AHCYL2: variants seen among roughly 807,000 people sequenced by gnomAD.
The protein encoded by AHCYL2 is S-adenosylhomocysteine hydrolase-like protein 2.
AHCYL2 carries 28 observed loss-of-function variants against 81.4 expected under a neutral mutation model. That is an observed-to-expected ratio of 0.34 (90% confidence interval 0.25 to 0.47). The LOEUF (loss-of-function observed/expected upper bound fraction) is 0.47. Ranked by LOEUF, AHCYL2 falls within the 20% of genes least tolerant of loss-of-function variation. The pLI is 1.00. For synonymous variants in AHCYL2, 272 were observed against 290.2 expected, an observed-to-expected ratio of 0.94 and a Z score of 0.64; for missense variants, 551 against 785.1, an observed-to-expected ratio of 0.70 and a Z score of 3.56.
At chr7:129,225,679 C>A (rs1257565832) in intron 1 of AHCYL2, among the ~76,000 whole-genome samples, 1 of 152,120 alleles carries the variant, frequency 6.6e-6, no homozygotes, top group Non-Finnish European at 1.5e-5. Context: ...TAGCGCTCTC[C>A]CCTACTACTT....
At chr7:129,376,131 G>A (rs2150875740) in intron 1 of AHCYL2, among the ~76,000 whole-genome samples, 1 of 152,258 alleles carries the variant, frequency 6.6e-6, no homozygotes, top group Middle Eastern at 3.4e-3. Flanking sequence ...AATGGAAAAG[G>A]AGGATTACCT....
chr7:129,424,076 G>C (rs1350482392), intron 13 of AHCYL2, among the ~76,000 whole-genome samples: 1 of 152,060 alleles, frequency 6.6e-6, no homozygotes, highest in Non-Finnish European at 1.5e-5. Flanking sequence ...AAATAGGAAA[G>C]GGTGGCATTG....
At chr7:129,403,353 G>T in intron 6 of AHCYL2, 26 bp from the exon 7 acceptor site, 1 of 1,508,760 alleles carries the variant, frequency 6.6e-7, no homozygotes, top group South Asian at 1.2e-5. Flanking sequence ...CAAAGTGAAT[G>T]ATGTTATTGA....
intron 4 of AHCYL2, among the ~76,000 whole-genome samples, chr7:129,395,378 G>A (rs972126583): frequency 4.6e-5 from 7 of 152,166 alleles, no homozygotes; most frequent in African/African-American, 1.4e-4. Flanking sequence ...CCTCTGTGAG[G>A]GGCAGGGTTT....
chr7:129,324,661 G>A (rs988422565), intron 1 of AHCYL2, among the ~76,000 whole-genome samples: 3 of 151,770 alleles, frequency 2.0e-5, no homozygotes, highest in African/African-American at 7.3e-5. Flanking sequence ...GACTACAGGC[G>A]CCTGCCACCA....
chr7:129,300,802 G>A (rs779645606), intron 1 of AHCYL2, among the ~76,000 whole-genome samples: 2 of 152,062 alleles, frequency 1.3e-5, no homozygotes, highest in African/African-American at 2.4e-5. Flanking sequence ...TTGGATATAC[G>A]CCATTTCAGC....
At chr7:129,324,306 A>G (rs1037588596) in intron 1 of AHCYL2, among the ~76,000 whole-genome samples, 1 of 152,136 alleles carries the variant, frequency 6.6e-6, no homozygotes, top group Non-Finnish European at 1.5e-5. Context: ...TCTTGCTTTT[A>G]TGTAGTCTGA....
rs766038729 is a variant in AHCYL2 at position 129,424,878 on chromosome 7, G to A, written c.1565G>A (p.Arg522His). 7 of 1,612,790 alleles carry A rather than the reference G, an allele frequency of 4.3e-6. No individual in the cohort carries two copies. The highest frequency in any genetic ancestry group is 1.1e-5 in the South Asian group (1 of 91,006). The change falls in exon 14 of 17, where the codon CGC becomes CAC. Residue 522 changes from arginine (R) to histidine (H), a missense_variant. Arg to His is a conservative substitution (Grantham distance 29). Around this residue, in one of 2 missense-constraint regions of AHCYL2, gnomAD observed 316 missense variants for 543.1 expected, o/e 0.58. Transcript: ENST00000325006. ...GTCTTCACCTTTGATCACTAGGGCC[G>A]CCTGCTGAACCTTAGCTGCTCCACA... ...GKRIVLLAEG[R>H]LLNLSCSTVP...
intron 1 of AHCYL2, among the ~76,000 whole-genome samples, chr7:129,342,983 G>C (rs1793238740): frequency 6.6e-6 from 1 of 151,526 alleles, no homozygotes; most frequent in Admixed American, 6.6e-5. Flanking sequence ...TTTTCCTTTG[G>C]CCTCTGGCCC....
chr7:129,412,343 C>T (rs954512564), intron 11 of AHCYL2, among the ~76,000 whole-genome samples: 2 of 149,476 alleles, frequency 1.3e-5, no homozygotes, highest in African/African-American at 2.5e-5. Flanking sequence ...TGCAGTGGCG[C>T]GATACTGGCT....
In AHCYL2 at chr7:129,427,091, C is replaced by G; in HGVS notation, c.*46C>G. 6.4e-7 allele frequency: 1 copy of G among 1,565,886 alleles called. No homozygotes were observed. The highest frequency in any genetic ancestry group is 8.8e-7 in the Non-Finnish European group (1 of 1,137,042). On this transcript the variant is annotated 3_prime_UTR_variant, in exon 17 of 17. Coordinates refer to ENST00000325006, the MANE Select transcript of AHCYL2 (RefSeq NM_015328.4). The surrounding 1 kb of genome is among the most constrained non-coding windows in gnomAD (Gnocchi z 5.5). ...AATTTTTAAGGAATAGAACTCCAAG[C>G]CTTTTCTCCACTACTATACAAGAAA...
chr7:129,261,265 G>A (rs767867937), intron 1 of AHCYL2, among the ~76,000 whole-genome samples: 14 of 151,772 alleles, frequency 9.2e-5, no homozygotes, highest in Non-Finnish European at 1.6e-4. Flanking sequence ...AATCTTTATA[G>A]ATAGGTTTAG....
chr7:129,366,045 G>T (rs1446143079), intron 1 of AHCYL2, among the ~76,000 whole-genome samples: 1 of 152,120 alleles, frequency 6.6e-6, no homozygotes, highest in East Asian at 1.9e-4. Flanking sequence ...ATAATTAGAG[G>T]TTGCTAGGAG....
At chr7:129,271,778 G>T (rs950530730) in intron 1 of AHCYL2, among the ~76,000 whole-genome samples, 2 of 152,292 alleles carry the variant, frequency 1.3e-5, no homozygotes, top group South Asian at 2.1e-4. Flanking sequence ...AGGATAAATA[G>T]AAAGCATAAT....
chr7:129,260,949 C>T (rs1052164323), intron 1 of AHCYL2, among the ~76,000 whole-genome samples: 4 of 152,070 alleles, frequency 2.6e-5, no homozygotes, highest in East Asian at 1.9e-4. Flanking sequence ...CCACCACCCT[C>T]GGCTAATTTT....
chr7:129,324,059 C>CATAGATTTT (rs1554480953), intron 1 of AHCYL2, among the ~76,000 whole-genome samples: 3 of 150,634 alleles, frequency 2.0e-5, no homozygotes, highest in South Asian at 2.1e-4. Flanking sequence ...TTGTAGATTT[C>CATAGATTTT]GTAGATTTTG....
intron 1 of AHCYL2, among the ~76,000 whole-genome samples, chr7:129,321,743 G>GTTTTTTTTTTTTTTTTTTTTTTTTTTTGT: frequency 1.7e-4 from 13 of 77,624 alleles, no homozygotes; most frequent in Non-Finnish European, 3.0e-4. Context: ...TTCTTTCTTT[G>GTTTTTTTTTTTTTTTTTTTTTTTTTTTGT]TTTTTTTTTT....
At chr7:129,358,572 G>T (rs1305771305) in intron 1 of AHCYL2, among the ~76,000 whole-genome samples, 2 of 152,156 alleles carry the variant, frequency 1.3e-5, no homozygotes, top group Non-Finnish European at 2.9e-5. Context: ...GCAGAGCCTT[G>T]GTTACCAGGG....
intron 1 of AHCYL2, among the ~76,000 whole-genome samples, chr7:129,332,346 GA>G (rs1291157490): frequency 6.6e-6 from 1 of 152,226 alleles, no homozygotes; most frequent in Non-Finnish European, 1.5e-5. Flanking sequence ...GTGTATTTCT[GA>G]GATATATTTC....
Sources: allele counts gnomAD v4.1 joint callset (sites outside exome capture counted in the v4.1 genomes callset), GRCh38; gene constraint gnomAD v4.1.1; regional missense constraint gnomAD v4.1.1; non-coding constraint Gnocchi (gnomAD v3.1); transcripts MANE v1.5; gene names NCBI Gene and HGNC (gene_info 2026-07-23, HGNC 2026-07-21).